The following ZFHX3 variants were observed in gnomAD, a reference collection of about 807,000 sequenced individuals.
The protein encoded by ZFHX3 is zinc finger homeobox 3, also known as zinc finger homeobox protein 3.
In ZFHX3, 42 loss-of-function variants were observed where a neutral mutation model predicts 279.1. The observed-to-expected ratio is 0.15, with a 90% CI of 0.12 to 0.19. The LOEUF (loss-of-function observed/expected upper bound fraction) is 0.19, where lower values mean the gene tolerates loss of function less well. Ranked by LOEUF, ZFHX3 falls within the 10% of genes least tolerant of loss-of-function variation. The probability of loss-of-function intolerance (pLI) is 1.00; values close to 1 mark genes in which losing one functional copy is unlikely to be tolerated. For synonymous variants in ZFHX3, 2,293 were observed against 1,957.8 expected (o/e 1.17, Z -4.52); for missense variants, 4,981 against 4,754.0 (o/e 1.05, Z -1.40).
intron 6 of ZFHX3, among the ~76,000 whole-genome samples, chr16:73,131,343 T>A (rs954872077): frequency 2.0e-5 from 3 of 152,194 alleles, no homozygotes; most frequent in East Asian, 1.9e-4. Flanking sequence ...TGTACATGAC[T>A]CATACAATCT....
chr16:73,239,696 C>T (rs928314873), intron 5 of ZFHX3, among the ~76,000 whole-genome samples: 23 of 152,086 alleles, frequency 1.5e-4, no homozygotes, highest in African/African-American at 4.8e-4. Context: ...GAAGAAGGAA[C>T]GGGGATGATT....
Position 72,795,650 on chromosome 16 carries a change from G to A in ZFHX3, c.7032C>T (p.Ile2344=). The change falls in exon 9 of 10, where the codon ATC becomes ATT. Residue 2344 remains isoleucine, a synonymous_variant. Transcript: ENST00000268489. The part of the protein sequence containing the change: ...SLVFQRIFDL[I]KHQKKLCYKD... ...TGTAACACAGCTTCTTCTGGTGCTT[G>A]ATGAGATCAAAGATGCGCTGAAACA... is the stretch of plus-strand genomic sequence containing the variant. 2 of 1,613,978 alleles carry A rather than the reference G, an allele frequency of 1.2e-6. No individual in the cohort carries two copies. Among genetic ancestry groups the A allele is most frequent in the Non-Finnish European group, 8.5e-7 (1 of 1,179,974 alleles).
At chr16:73,727,784 A>G (rs1164644889) in intron 1 of ZFHX3, among the ~76,000 whole-genome samples, 6 of 152,080 alleles carry the variant, frequency 3.9e-5, no homozygotes, top group African/African-American at 1.4e-4. Flanking sequence ...TCTGATGTGA[A>G]CGACTATCAG....
intron 5 of ZFHX3, among the ~76,000 whole-genome samples, chr16:73,159,544 G>A (rs1413792231): frequency 6.6e-6 from 1 of 152,020 alleles, no homozygotes; most frequent in African/African-American, 2.4e-5. Context: ...CAGCTGACAC[G>A]GAGCCTACTC....
chr16:73,365,346 G>A (rs2016512298), intron 3 of ZFHX3, among the ~76,000 whole-genome samples: 1 of 152,218 alleles, frequency 6.6e-6, no homozygotes, highest in African/African-American at 2.4e-5. Flanking sequence ...ATCGGTCCAT[G>A]TTTATTCATT....
chr16:73,757,804 G>T (rs1303093855), intron 1 of ZFHX3, among the ~76,000 whole-genome samples: 1 of 152,172 alleles, frequency 6.6e-6, no homozygotes, highest in South Asian at 2.1e-4. Flanking sequence ...AGGTGGATGT[G>T]ACAACCTTTA....
chr16:73,741,718 T>C (rs369544566), intron 1 of ZFHX3, among the ~76,000 whole-genome samples: 122 of 152,328 alleles, frequency 8.0e-4, no homozygotes, highest in African/African-American at 2.9e-3. Flanking sequence ...TTCTTTTATA[T>C]CCTTTTTTAT....
intron 5 of ZFHX3, among the ~76,000 whole-genome samples, chr16:73,221,912 A>T (rs1184992731): frequency 6.6e-6 from 1 of 152,148 alleles, no homozygotes. Flanking sequence ...TGGCTGCACA[A>T]TGTATTATTG....
intron 2 of ZFHX3, among the ~76,000 whole-genome samples, chr16:73,571,571 T>C (rs561058577): frequency 6.6e-6 from 1 of 152,332 alleles, no homozygotes; most frequent in African/African-American, 2.4e-5. Context: ...GTTCATGTTT[T>C]ACACCACCTT....
rs118125183 is a variant in ZFHX3, at chr16:72,924,609, C to T, written c.3216+25860G>A. Reference sequence around the variant, plus strand: ...GATGGTACCAGGCCCACAGAGAGGCCGCGGCTGGGTGCGCAGAACTACGAC... The same window carrying T: ...GATGGTACCAGGCCCACAGAGAGGCTGCGGCTGGGTGCGCAGAACTACGAC... On this transcript the variant is annotated intron_variant, in intron 3 of 9. Transcript: ENST00000268489. Among the ~76,000 whole-genome samples, 476 of 152,262 alleles carry T rather than the reference C, an allele frequency of 3.1e-3. 1 individual carries two copies. The highest frequency in any genetic ancestry group is 5.0e-3 in the Non-Finnish European group (339 of 68,010).
chr16:73,296,898 A>G (rs1209587565), intron 4 of ZFHX3, among the ~76,000 whole-genome samples: 17 of 39,368 alleles, frequency 4.3e-4, no homozygotes, highest in Non-Finnish European at 6.7e-4. Flanking sequence ...TTTTTTTTTG[A>G]GACGGAGTCT....
chr16:73,173,428 C>T (rs1967587744), intron 5 of ZFHX3, among the ~76,000 whole-genome samples: 1 of 139,606 alleles, frequency 7.2e-6, no homozygotes, highest in Admixed American at 7.3e-5. Context: ...TATCTGGAGT[C>T]GATTTTGCGA....
At chr16:73,001,442 T>C (rs1441846109) in intron 1 of ZFHX3, among the ~76,000 whole-genome samples, 1 of 152,194 alleles carries the variant, frequency 6.6e-6, no homozygotes, top group Non-Finnish European at 1.5e-5. Flanking sequence ...GTGCTTGCCA[T>C]TTTAAGCTAC....
chr16:73,794,739 T>C (rs1959941970), intron 1 of ZFHX3, among the ~76,000 whole-genome samples: 1 of 152,328 alleles, frequency 6.6e-6, no homozygotes, highest in South Asian at 2.1e-4. Context: ...CTGCAACAGA[T>C]GGGAGTCTAT....
intron 3 of ZFHX3, among the ~76,000 whole-genome samples, chr16:73,427,427 G>A (rs1349596369): frequency 1.3e-5 from 2 of 152,282 alleles, no homozygotes; most frequent in East Asian, 1.9e-4. Flanking sequence ...CAGCCTGCCT[G>A]CCACCCAGCT....
At chr16:73,755,502 T>C (rs2053800299) in intron 1 of ZFHX3, among the ~76,000 whole-genome samples, 1 of 152,182 alleles carries the variant, frequency 6.6e-6, no homozygotes. Context: ...ACATCTTCCT[T>C]TTTAAAAGAA....
upstream of ZFHX3, among the ~76,000 whole-genome samples, chr16:73,050,232 C>A (rs1168486623): frequency 6.6e-6 from 1 of 152,204 alleles, no homozygotes; most frequent in African/African-American, 2.4e-5. Flanking sequence ...ATTAAAGTAA[C>A]CTGGGAGGAT....
chr16:73,878,714 T>C (rs1472134351), intron 1 of ZFHX3, among the ~76,000 whole-genome samples: 1 of 151,820 alleles, frequency 6.6e-6, no homozygotes, highest in Non-Finnish European at 1.5e-5. Context: ...AAGCTAGTAT[T>C]TAATGCAAGA....
chr16:73,458,946 A>C (rs1413827233), intron 2 of ZFHX3, among the ~76,000 whole-genome samples: 5 of 152,308 alleles, frequency 3.3e-5, no homozygotes, highest in Non-Finnish European at 7.4e-5. Context: ...TTACCCAAGA[A>C]GCTCATTTGC....
Sources: gnomAD v4.1 joint callset for allele counts (sites outside exome capture counted in the v4.1 genomes callset) on GRCh38, gnomAD v4.1.1 for gene constraint, MANE v1.5 for transcripts, NCBI Gene and HGNC (gene_info 2026-07-23, HGNC 2026-07-21) for gene names.